The following PPFIA2 variants were observed in gnomAD, a reference collection of about 807,000 sequenced individuals.
PPFIA2 encodes liprin-alpha-2.
Under a neutral mutation model 175.5 loss-of-function variants are expected in PPFIA2, and 46 were observed. The observed-to-expected ratio is 0.26, with a 90% confidence interval of 0.21 to 0.34. The LOEUF (loss-of-function observed/expected upper bound fraction) is 0.34, where lower values mean the gene tolerates loss of function less well. Ranked by LOEUF, PPFIA2 falls within the 10% of genes least tolerant of loss-of-function variation. The probability of loss-of-function intolerance (pLI) is 1.00; values close to 1 mark genes in which losing one functional copy is unlikely to be tolerated. For missense variants in PPFIA2, 1,179 were observed against 1,506.1 expected, an observed-to-expected ratio of 0.78 and a Z score of 3.60; for synonymous variants, 568 against 511.4, an observed-to-expected ratio of 1.11 and a Z score of -1.49.
At chr12:81,267,157 G>A in intron 29 of PPFIA2, 137 bp from the exon 30 acceptor site, 2 of 601,682 alleles carry the variant, frequency 3.3e-6, no homozygotes, top group South Asian at 3.6e-5. Context: ...CTCCATGTCT[G>A]TTATTAGCCA....
chr12:81,700,783 C>T (rs1028768859), intron 3 of PPFIA2, among the ~76,000 whole-genome samples: 3 of 151,926 alleles, frequency 2.0e-5, no homozygotes, highest in Non-Finnish European at 2.9e-5. Flanking sequence ...TAACTAACAT[C>T]GGTTGGATAT....
chr12:81,579,336 G>C (rs2074063247), intron 4 of PPFIA2, among the ~76,000 whole-genome samples: 1 of 151,680 alleles, frequency 6.6e-6, no homozygotes, highest in African/African-American at 2.4e-5. Flanking sequence ...TTTGAAATCA[G>C]AATTTTAAAA....
intron 8 of PPFIA2, among the ~76,000 whole-genome samples, chr12:81,392,704 C>T (rs956935553): frequency 9.9e-5 from 15 of 151,902 alleles, no homozygotes; most frequent in African/African-American, 3.6e-4. Context: ...AACTGCAATA[C>T]AATTTTCACA....
chr12:81,432,022 T>C (rs547989552), intron 7 of PPFIA2, among the ~76,000 whole-genome samples: 54 of 152,340 alleles, frequency 3.5e-4, no homozygotes, highest in Non-Finnish European at 6.8e-4. Context: ...CCTTTGGTAA[T>C]ATTACTAAAC....
chr12:81,488,932 T>C (rs1329074677), intron 4 of PPFIA2, among the ~76,000 whole-genome samples: 2 of 151,844 alleles, frequency 1.3e-5, no homozygotes, highest in African/African-American at 2.4e-5. Context: ...GGAATATATG[T>C]ATACAATTAG....
intron 7 of PPFIA2, among the ~76,000 whole-genome samples, chr12:81,416,659 C>T (rs1216111017): frequency 6.6e-6 from 1 of 151,648 alleles, no homozygotes; most frequent in Non-Finnish European, 1.5e-5. Flanking sequence ...TGGAGGCTAT[C>T]TTGATTCATA....
rs373189688 is a variant in PPFIA2, at chr12:81,313,551, A to G, written c.2642+12226T>C. 3.0e-4 allele frequency among the ~76,000 whole-genome samples: 45 copies of G among 152,256 alleles called. No individual in the cohort carries two copies. In the East Asian group the frequency reaches 7.9e-3, roughly 27 times the overall value. ...AACAAAAGCAGAAATGTTCATAAAC[A>G]CTGGCACTACACTGTCCCAAGAAAT... On this transcript the variant is annotated intron_variant, in intron 22 of 32. Transcript: ENST00000549396.
intron 22 of PPFIA2, among the ~76,000 whole-genome samples, chr12:81,319,302 C>A (rs1442484902): frequency 6.6e-6 from 1 of 151,676 alleles, no homozygotes; most frequent in Admixed American, 6.6e-5. Context: ...TTTTTACTAA[C>A]AAATTTCAGT....
At chr12:81,481,296 C>T (rs761109400) in intron 4 of PPFIA2, among the ~76,000 whole-genome samples, 1 of 152,128 alleles carries the variant, frequency 6.6e-6, no homozygotes, top group Admixed American at 6.6e-5. Context: ...GAACGAATAT[C>T]GTGAAAATGG....
chr12:81,650,913 A>G (rs1421133898), intron 4 of PPFIA2, among the ~76,000 whole-genome samples: 1 of 152,246 alleles, frequency 6.6e-6, no homozygotes, highest in Non-Finnish European at 1.5e-5. Flanking sequence ...CCAGGCAGAA[A>G]TAGAACAGTT....
At chr12:81,358,258 A>G in intron 15 of PPFIA2, 41 bp from the exon 16 acceptor site, 1 of 1,531,910 alleles carries the variant, frequency 6.5e-7, no homozygotes, top group Non-Finnish European at 8.8e-7. Context: ...AATCTCAAAA[A>G]TTAAACTTAC....
chr12:81,273,061 T>C (rs965379482), intron 28 of PPFIA2, among the ~76,000 whole-genome samples: 6 of 152,174 alleles, frequency 3.9e-5, no homozygotes, highest in African/African-American at 1.4e-4. Flanking sequence ...TAAAGCATAT[T>C]TGGTGGTTAT....
chr12:81,661,999 A>G (rs1490883593), intron 4 of PPFIA2, among the ~76,000 whole-genome samples: 1 of 152,232 alleles, frequency 6.6e-6, no homozygotes, highest in African/African-American at 2.4e-5. Context: ...CTTCGAAACC[A>G]ACGAGAACAA....
chr12:81,263,151 A>T (rs2036184012), intron 31 of PPFIA2, 80 bp downstream of exon 31: 1 of 1,349,862 alleles, frequency 7.4e-7, no homozygotes, highest in African/African-American at 1.5e-5. Context: ...AATAATTCCA[A>T]AAAGCAAGGT....
chr12:81,432,641 T>G (rs1024708172), intron 7 of PPFIA2, among the ~76,000 whole-genome samples: 16 of 151,904 alleles, frequency 1.1e-4, no homozygotes, highest in Non-Finnish European at 1.9e-4. Flanking sequence ...GATTTTTGTA[T>G]AGAGACTGGG....
At position 81,739,979 on chromosome 12, in the gene PPFIA2, T is replaced by C. The variant is rs574385978; in HGVS notation, c.249+13994A>G. Among the ~76,000 whole-genome samples the C allele has an allele frequency of 8.5e-5, 13 of 152,230 alleles. No homozygotes were observed. In the South Asian group the frequency reaches 2.7e-3, roughly 32 times the overall value. ...GAAGACAACCTGGGGCTTCTTGACCTAGGAGGGAAAGCAGAGCTGGGAGCC... is the reference window on the plus strand; with the variant it reads ...GAAGACAACCTGGGGCTTCTTGACCCAGGAGGGAAAGCAGAGCTGGGAGCC... On this transcript the variant is annotated intron_variant, in intron 3 of 32. Coordinates refer to ENST00000549396, the MANE Select transcript of PPFIA2 (RefSeq NM_003625.5).
intron 4 of PPFIA2, chr12:81,598,233 G>A (rs953814393): frequency 1.8e-5 from 24 of 1,352,854 alleles, no homozygotes; most frequent in Admixed American, 1.7e-4. Flanking sequence ...ATCAGCCACC[G>A]ACCTTTTGTG....
intron 5 of PPFIA2, among the ~76,000 whole-genome samples, chr12:81,451,898 A>G (rs1011022421): frequency 6.6e-6 from 1 of 152,190 alleles, no homozygotes; most frequent in African/African-American, 2.4e-5. Context: ...ACCATTAACA[A>G]TCTACTAATT....
chr12:81,423,207 C>G lies in PPFIA2; in HGVS notation c.645+16765G>C, dbSNP rs1280677851. 2.0e-5 allele frequency among the ~76,000 whole-genome samples: 3 copies of G among 152,018 alleles called. No homozygotes were observed. The East Asian group carries it at 5.8e-4, about 29-fold the overall frequency. ...CAAACACTGAAAGAGGAATTGATAC[C>G]AACTCATCTTAAGCTCTTCCAAAAA... On this transcript the variant is annotated intron_variant, in intron 7 of 32. Transcript: ENST00000549396.
Sources: gnomAD v4.1 joint callset for allele counts (sites outside exome capture counted in the v4.1 genomes callset) on GRCh38, gnomAD v4.1.1 for gene constraint, MANE v1.5 for transcripts, NCBI Gene and HGNC (gene_info 2026-07-23, HGNC 2026-07-21) for gene names.